Variants in ITGA2 observed in about 807,000 individuals in gnomAD.
ITGA2 encodes integrin alpha-2.
In ITGA2, 101 loss-of-function variants were observed where a neutral mutation model predicts 146.3. That is an observed-to-expected ratio of 0.69 (90% CI 0.59 to 0.81). The LOEUF is 0.81. ITGA2 is among the 40% of genes least tolerant of loss of function. The pLI, the probability that ITGA2 is intolerant of heterozygous loss-of-function variation, is 0.00. For synonymous variants in ITGA2, 477 were observed against 487.1 expected, an observed-to-expected ratio of 0.98 and a Z score of 0.27; for missense variants, 1,281 against 1,402.7, an observed-to-expected ratio of 0.91 and a Z score of 1.39.
intron 1 of ITGA2, among the ~76,000 whole-genome samples, chr5:53,000,116 A>AT (rs1366573345): frequency 1.3e-5 from 2 of 152,196 alleles, no homozygotes; most frequent in South Asian, 4.1e-4. Context: ...TTGTTTTTGA[A>AT]TTTTTTAACA....
intron 2 of ITGA2, among the ~76,000 whole-genome samples, chr5:53,031,806 C>A (rs911933119): frequency 5.3e-5 from 8 of 152,098 alleles, no homozygotes; most frequent in Admixed American, 3.3e-4. Context: ...TCGGTGTAGG[C>A]GGAGGGCCAT....
intron 16 of ITGA2, among the ~76,000 whole-genome samples, chr5:53,068,820 A>C (rs969862255): frequency 1.3e-5 from 2 of 151,580 alleles, no homozygotes; most frequent in Non-Finnish European, 2.9e-5. Context: ...CTTCACTTTA[A>C]GATTAATAAC....
intron 1 of ITGA2, among the ~76,000 whole-genome samples, chr5:53,023,273 G>A (rs528662376): frequency 6.6e-6 from 1 of 152,234 alleles, no homozygotes; most frequent in East Asian, 1.9e-4. Flanking sequence ...CACCATTGCC[G>A]TACTCTTCTC....
Position 53,026,034 on chromosome 5 carries a change from G to A in ITGA2, c.65-714G>A, listed in dbSNP as rs975089427. Among the ~76,000 whole-genome samples the A allele has an allele frequency of 2.0e-5, 3 of 152,106 alleles. No individual in the cohort carries two copies. The East Asian group carries it at 5.8e-4, about 29-fold the overall frequency. ...TTTGTTCTGTTTTTTGAAATGATTA[G>A]CATTTCTCAATCATTCAGAAAGAAG... On this transcript the variant is annotated intron_variant, in intron 1 of 29. Coordinates refer to ENST00000296585, the MANE Select transcript of ITGA2 (RefSeq NM_002203.4).
intron 1 of ITGA2, among the ~76,000 whole-genome samples, chr5:53,021,597 T>C (rs1460000649): frequency 1.3e-5 from 2 of 152,198 alleles, no homozygotes; most frequent in Admixed American, 1.3e-4. Context: ...CTCTAGTTGC[T>C]CACTATCCTC....
rs747117180 is a variant in ITGA2, at chr5:53,064,939, G to C, written c.1630G>C (p.Glu544Gln). 2 of 1,612,682 alleles carry C rather than the reference G, an allele frequency of 1.2e-6. No homozygotes were observed. The highest frequency in any genetic ancestry group is 2.2e-5 in the East Asian group (1 of 44,814). The change falls in exon 14 of 30, where the codon GAA (glutamate) becomes CAA (glutamine). Residue 544 changes from glutamate to glutamine, a missense_variant. Glu to Gln is a conservative substitution (Grantham distance 29). This residue lies in a region of ITGA2 where 795 missense variants were observed against 841.7 expected (regional missense o/e 0.94). Coordinates refer to ENST00000296585, the MANE Select transcript of ITGA2 (RefSeq NM_002203.4). ...EGILGQHQFL[E>Q]GPEGIENTRF... ...CATTTTGGGTCAGCACCAATTTCTT[G>C]AAGGCCCCGAGGGCATTGAAAACAC... is the stretch of plus-strand genomic sequence containing the variant.
In ITGA2 at chr5:53,055,752, T is replaced by C. The variant is rs190090827; in HGVS notation, c.930+64T>C. The C allele has an allele frequency of 1.9e-6, 3 of 1,571,252 alleles. No individual in the cohort carries two copies. The East Asian group carries it at 6.7e-5, about 35-fold the overall frequency. On this transcript the variant is annotated intron_variant, in intron 8 of 29. Transcript: ENST00000296585. ...GGTAAATCTTTCTTTATAGCATCAC[T>C]TCTCAAGGCTGCACTTTCCCATTGG... is the stretch of plus-strand genomic sequence containing the variant.
At chr5:53,028,520 G>T (rs1743060713) in intron 2 of ITGA2, among the ~76,000 whole-genome samples, 1 of 152,212 alleles carries the variant, frequency 6.6e-6, no homozygotes, top group South Asian at 2.1e-4. Context: ...TGGTGAGGAG[G>T]CTAGAAAGAC....
intron 1 of ITGA2, among the ~76,000 whole-genome samples, chr5:53,016,592 A>G (rs152090): frequency 0.61 from 93,266 of 151,944 alleles, 28,855 homozygotes; most frequent in Non-Finnish European, 0.66. Flanking sequence ...CTGGTATCCT[A>G]CAGGGGTTCT....
At chr5:53,015,533 T>C (rs1043962732) in intron 1 of ITGA2, among the ~76,000 whole-genome samples, 13 of 152,106 alleles carry the variant, frequency 8.5e-5, no homozygotes, top group African/African-American at 3.1e-4. Context: ...TGTTAGAGTA[T>C]GTACCTTGTG....
chr5:53,063,112 A>C (rs574579770), intron 13 of ITGA2, among the ~76,000 whole-genome samples, 183 bp downstream of exon 13: 2 of 151,864 alleles, frequency 1.3e-5, no homozygotes, highest in Non-Finnish European at 2.9e-5. Context: ...TAACAGGAAA[A>C]ACTAGAGTTG....
chr5:53,093,585 C>T lies in ITGA2; in HGVS notation c.*2986C>T, dbSNP rs1740544718. 6.6e-6 allele frequency: 1 copy of T among 152,142 alleles called. No individual in the cohort carries two copies. The highest frequency in any genetic ancestry group is 2.4e-5 in the African/African-American group (1 of 41,420). 9.4% of individuals were successfully genotyped at this position (152,142 alleles called of 1,614,324 possible). A position where few individuals can be genotyped will look rare whatever the true frequency, so the allele number is the denominator to read the frequency against. ...TGTCTCCAGACATTGTCAAATGCCT[C>T]CTGGGGGGCAGTATTTCTCAAGCAC... On this transcript the variant is annotated 3_prime_UTR_variant, in exon 30 of 30. Transcript: ENST00000296585.
intron 2 of ITGA2, among the ~76,000 whole-genome samples, chr5:53,027,932 TC>T (rs1396914779): frequency 6.6e-6 from 1 of 151,884 alleles, no homozygotes; most frequent in African/African-American, 2.4e-5. Flanking sequence ...AACCTGAAAA[TC>T]AGCTGGATAT....
At chr5:53,062,391 G>C (rs1561134562) in intron 12 of ITGA2, among the ~76,000 whole-genome samples, 1 of 151,820 alleles carries the variant, frequency 6.6e-6, no homozygotes, top group Non-Finnish European at 1.5e-5. Flanking sequence ...CCTGCCTTTT[G>C]CTATGACAAA....
rs749225588 is a variant in ITGA2 at position 53,064,897 on chromosome 5, T to A, written c.1603-15T>A. ...AAGGTTTGCTTTAATCATCCTTTTGTTTCCCCTTTGCAAGGGCATTTTGGG... is the reference window on the plus strand; with the variant it reads ...AAGGTTTGCTTTAATCATCCTTTTGATTCCCCTTTGCAAGGGCATTTTGGG... On this transcript the variant is annotated splice_polypyrimidine_tract_variant and intron_variant, in intron 13 of 29. Coordinates refer to ENST00000296585, the MANE Select transcript of ITGA2 (RefSeq NM_002203.4). 4.3e-6 allele frequency: 7 copies of A among 1,610,938 alleles called. No homozygotes were observed. In the East Asian group the frequency reaches 1.6e-4, roughly 36 times the overall value.
At chr5:53,057,282 A>G (rs563394229) in intron 9 of ITGA2, among the ~76,000 whole-genome samples, 1 of 152,090 alleles carries the variant, frequency 6.6e-6, no homozygotes, top group East Asian at 1.9e-4. Flanking sequence ...AAATTATTTT[A>G]TCTTCTAAAT....
chr5:53,043,842 A>C (rs1217109534), intron 3 of ITGA2, among the ~76,000 whole-genome samples: 1 of 152,154 alleles, frequency 6.6e-6, no homozygotes, highest in African/African-American at 2.4e-5. Context: ...AAGGAGAGAA[A>C]AATTAGGAGT....
At position 52,994,034 on chromosome 5, in the gene ITGA2, A is replaced by C. The variant is rs1234076066; in HGVS notation, c.64+4502A>C. Among the ~76,000 whole-genome samples, 37 of 152,196 alleles carry C rather than the reference A, an allele frequency of 2.4e-4. 2 individuals carry two copies. Among genetic ancestry groups the C allele is most frequent in the Admixed American group, 2.4e-3 (37 of 15,282 alleles). On this transcript the variant is annotated intron_variant, in intron 1 of 29. Coordinates refer to ENST00000296585, the MANE Select transcript of ITGA2 (RefSeq NM_002203.4). ...TACAGGGGAGAATCCTAGCACTGCA[A>C]ATCATGAGACAATAGACTCTGTGTA...
intron 28 of ITGA2, chr5:53,089,180 T>A (rs1740286271): frequency 6.6e-6 from 1 of 152,226 alleles, no homozygotes; most frequent in Non-Finnish European, 1.5e-5. Context: ...AATTTAATGT[T>A]ACATCAAGTA....
Sources: allele counts gnomAD v4.1 joint callset (sites outside exome capture counted in the v4.1 genomes callset), GRCh38; gene constraint gnomAD v4.1.1; regional missense constraint gnomAD v4.1.1; transcripts MANE v1.5; gene names NCBI Gene and HGNC (gene_info 2026-07-23, HGNC 2026-07-21).